The following STAC variants were observed in gnomAD, a reference collection of about 807,000 sequenced individuals.
STAC encodes SH3 and cysteine-rich domain-containing protein.
A neutral mutation model predicts 48.8 loss-of-function variants in STAC; 43 were observed. The ratio of observed to expected loss-of-function variants is 0.88; its 90% CI spans 0.69 to 1.14. The LOEUF is 1.14. Ranked by LOEUF, STAC falls within the 50% of genes most tolerant of loss-of-function variation. The pLI, the probability that STAC is intolerant of heterozygous loss-of-function variation, is 0.00. For missense variants in STAC, 497 were observed against 504.0 expected, an observed-to-expected ratio of 0.99 and a Z score of 0.13; for synonymous variants, 193 against 179.5, an observed-to-expected ratio of 1.07 and a Z score of -0.60.
At chr3:36,465,049 A>G (rs1371785621) in intron 2 of STAC, among the ~76,000 whole-genome samples, 1 of 152,162 alleles carries the variant, frequency 6.6e-6, no homozygotes, top group Admixed American at 6.5e-5. Context: ...ACAGTTTTCC[A>G]TAGTGTTTGT....
intron 2 of STAC, among the ~76,000 whole-genome samples, chr3:36,469,629 C>A (rs1474210077): frequency 6.6e-6 from 1 of 152,218 alleles, no homozygotes; most frequent in East Asian, 1.9e-4. Context: ...AGATCTCTAG[C>A]AAGGCCAGGG....
At chr3:36,436,397 G>T (rs373219749) in intron 1 of STAC, among the ~76,000 whole-genome samples, 11 of 152,154 alleles carry the variant, frequency 7.2e-5, no homozygotes, top group African/African-American at 1.7e-4. Flanking sequence ...TCACCCTTAG[G>T]ATAAATTCCA....
At chr3:36,485,083 A>G (rs1041484001) in intron 4 of STAC, 25 bp downstream of exon 4, 1 of 1,580,786 alleles carries the variant, frequency 6.3e-7, no homozygotes, top group Non-Finnish European at 8.6e-7. Flanking sequence ...TGATGGGTTG[A>G]GTTGAGTTTG....
intron 6 of STAC, among the ~76,000 whole-genome samples, chr3:36,499,194 A>C (rs960488165): frequency 1.3e-5 from 2 of 152,234 alleles, no homozygotes; most frequent in Non-Finnish European, 2.9e-5. Context: ...CTCAATGGAA[A>C]GACGGAAATG....
intron 1 of STAC, among the ~76,000 whole-genome samples, chr3:36,426,183 T>C (rs1700559999): frequency 6.6e-6 from 1 of 152,220 alleles, no homozygotes; most frequent in Non-Finnish European, 1.5e-5. Context: ...ACAGCTAATG[T>C]TTAACATCAA....
At chr3:36,492,034 ATATATATAT>A (rs1697997509) in intron 5 of STAC, among the ~76,000 whole-genome samples, 23 of 34,418 alleles carry the variant, frequency 6.7e-4, no homozygotes, top group Non-Finnish European at 8.5e-4. Context: ...AAAAAAAAAT[ATATATATAT>A]ATATATATAT....
chr3:36,433,041 C>T (rs879944651), intron 1 of STAC, among the ~76,000 whole-genome samples: 2 of 152,102 alleles, frequency 1.3e-5, no homozygotes, highest in Non-Finnish European at 2.9e-5. Flanking sequence ...GCAGCAGAGC[C>T]CCAGGGCAGG....
chr3:36,448,906 C>G (rs1009484307), intron 2 of STAC, among the ~76,000 whole-genome samples: 8 of 146,100 alleles, frequency 5.5e-5, no homozygotes, highest in African/African-American at 1.8e-4. Context: ...AGTGAACCCC[C>G]CCCCCCACTC....
At chr3:36,469,117 T>C (rs1249753599) in intron 2 of STAC, among the ~76,000 whole-genome samples, 2 of 152,160 alleles carry the variant, frequency 1.3e-5, no homozygotes, top group Non-Finnish European at 2.9e-5. Flanking sequence ...TGAGATTCTA[T>C]TCTATTCATC....
chr3:36,383,881 C>T (rs1029909255), intron 1 of STAC, among the ~76,000 whole-genome samples: 1 of 152,212 alleles, frequency 6.6e-6, no homozygotes, highest in African/African-American at 2.4e-5. Context: ...CAGATAGTTA[C>T]TGGCAATACC....
intron 1 of STAC, among the ~76,000 whole-genome samples, chr3:36,389,969 TG>T (rs1212611526): frequency 8.2e-6 from 1 of 121,928 alleles, no homozygotes; most frequent in Non-Finnish European, 1.8e-5. Context: ...CTCTTTCATT[TG>T]GGGGGGAAGG....
chr3:36,504,512 C>A, intron 7 of STAC, 55 bp downstream of exon 7: 1 of 1,508,616 alleles, frequency 6.6e-7, no homozygotes, highest in Non-Finnish European at 9.2e-7. Flanking sequence ...GATAGACCTG[C>A]AGGTCACCAT....
chr3:36,457,473 A>G (rs572190147), intron 2 of STAC, among the ~76,000 whole-genome samples: 21 of 152,240 alleles, frequency 1.4e-4, no homozygotes, highest in Admixed American at 2.0e-4. Context: ...GGTTGATATT[A>G]ACCGTATATC....
intron 10 of STAC, among the ~76,000 whole-genome samples, chr3:36,532,809 G>A (rs753640484): frequency 1.3e-5 from 2 of 152,128 alleles, no homozygotes; most frequent in Non-Finnish European, 2.9e-5. Context: ...GAAAAGGAAA[G>A]AACAAATTAA....
chr3:36,419,227 TC>T (rs1294387563), intron 1 of STAC, among the ~76,000 whole-genome samples: 1 of 152,180 alleles, frequency 6.6e-6, no homozygotes, highest in East Asian at 1.9e-4. Flanking sequence ...TGCAAAGCCC[TC>T]CTCTTTCTCA....
chr3:36,404,435 T>C (rs372413211), intron 1 of STAC, among the ~76,000 whole-genome samples: 2 of 152,170 alleles, frequency 1.3e-5, no homozygotes, highest in Non-Finnish European at 2.9e-5. Context: ...AGATAATACA[T>C]GCAAAGCACT....
intron 8 of STAC, among the ~76,000 whole-genome samples, chr3:36,520,443 T>C (rs1001485766): frequency 5.9e-5 from 9 of 152,194 alleles, no homozygotes; most frequent in Non-Finnish European, 1.2e-4. Flanking sequence ...GTCAATGCTC[T>C]GTGCACAGGT....
chr3:36,515,820 TG>T, intron 8 of STAC, among the ~76,000 whole-genome samples: 1 of 151,972 alleles, frequency 6.6e-6, no homozygotes. Flanking sequence ...GGGTAGAGTT[TG>T]GGGCCCACAA....
intron 8 of STAC, among the ~76,000 whole-genome samples, chr3:36,510,840 G>A (rs1361231677): frequency 3.3e-5 from 5 of 152,050 alleles, no homozygotes; most frequent in Admixed American, 3.3e-4. Flanking sequence ...ATAGCATTAG[G>A]AGAAATACCT....
Sources: allele counts gnomAD v4.1 joint callset (sites outside exome capture counted in the v4.1 genomes callset), GRCh38; gene constraint gnomAD v4.1.1; transcripts MANE v1.5; gene names NCBI Gene and HGNC (gene_info 2026-07-23, HGNC 2026-07-21).